SH3BP4: variants seen among roughly 807,000 people sequenced by gnomAD.
SH3BP4 encodes the protein SH3 domain-binding protein 4.
A neutral mutation model predicts 65.5 loss-of-function variants in SH3BP4; 33 were observed. That is an observed-to-expected ratio of 0.50 (90% confidence interval 0.38 to 0.67). The LOEUF is 0.67. Among genes scored for constraint, SH3BP4 ranks in the 30% least tolerant of loss-of-function variants. The probability of loss-of-function intolerance (pLI) is 0.00; values close to 1 mark genes in which losing one functional copy is unlikely to be tolerated. For synonymous variants in SH3BP4, 552 were observed against 545.5 expected, an observed-to-expected ratio of 1.01 and a Z score of -0.17; for missense variants, 1,134 against 1,261.4, an observed-to-expected ratio of 0.90 and a Z score of 1.53.
At chr2:234,968,255 G>T (rs778556038) in intron 1 of SH3BP4, among the ~76,000 whole-genome samples, 2 of 152,156 alleles carry the variant, frequency 1.3e-5, no homozygotes, top group Non-Finnish European at 2.9e-5. Context: ...CTGGGGGCTT[G>T]TGTTTCCATG....
rs563223051 is a variant in SH3BP4, at chr2:234,955,562, G to A, written c.-207+3392G>A. 1.8e-3 allele frequency among the ~76,000 whole-genome samples: 276 copies of A among 152,230 alleles called. 1 individual carries two copies. Among genetic ancestry groups the A allele is most frequent in the Admixed American group, 3.2e-3 (49 of 15,300 alleles). On this transcript the variant is annotated intron_variant, in intron 1 of 5. Transcript: ENST00000392011. Reference sequence around the variant, plus strand: ...TCTCAATAATCAGTCTTCAGAGGGCGAGGGAGTGCAGAATATGCTTTAGAA... The same window carrying A: ...TCTCAATAATCAGTCTTCAGAGGGCAAGGGAGTGCAGAATATGCTTTAGAA...
intron 2 of SH3BP4, among the ~76,000 whole-genome samples, chr2:235,002,772 T>C (rs1694172751): frequency 6.6e-6 from 1 of 152,208 alleles, no homozygotes; most frequent in Non-Finnish European, 1.5e-5. Context: ...TTGGCAGGGA[T>C]GGACCCCAGT....
intron 2 of SH3BP4, among the ~76,000 whole-genome samples, chr2:235,028,325 C>T (rs77204884): frequency 1.0e-3 from 157 of 152,312 alleles, no homozygotes; most frequent in African/African-American, 3.7e-3. Context: ...CTGGGACCTG[C>T]TGAGTAGACG....
At chr2:234,960,804 C>G (rs1692688825) in intron 1 of SH3BP4, among the ~76,000 whole-genome samples, 1 of 152,150 alleles carries the variant, frequency 6.6e-6, no homozygotes, top group Non-Finnish European at 1.5e-5. Context: ...AAATTTGAAA[C>G]AGCCTGATTT....
At chr2:234,969,691 C>T (rs942980088) in intron 1 of SH3BP4, among the ~76,000 whole-genome samples, 1 of 152,208 alleles carries the variant, frequency 6.6e-6, no homozygotes, top group Non-Finnish European at 1.5e-5. Context: ...TTATCCCGAG[C>T]CTGCTCCTGC....
rs1282859578 is a variant in SH3BP4, at chr2:235,035,181, T to C, written c.118+61T>C. ...GAACGTTGGGATTTTCAAGTTGGGA[T>C]CCAAGAACTTTTCTGCTTTAAAGAT... On this transcript the variant is annotated intron_variant, in intron 3 of 5. Transcript: ENST00000392011. The surrounding 1 kb of genome is among the most constrained non-coding windows in gnomAD (Gnocchi z 5.0). 6 of 1,272,638 alleles carry C rather than the reference T, an allele frequency of 4.7e-6. No individual in the cohort carries two copies. The highest frequency in any genetic ancestry group is 6.9e-6 in the Non-Finnish European group (6 of 872,202). 78.8% of individuals were successfully genotyped at this position (1,272,638 alleles called of 1,614,324 possible).
intron 1 of SH3BP4, among the ~76,000 whole-genome samples, chr2:234,973,936 A>G (rs911024809): frequency 6.6e-6 from 1 of 152,108 alleles, no homozygotes; most frequent in Admixed American, 6.6e-5. Context: ...CACCTGGCCA[A>G]GCCTGGATTT....
intron 1 of SH3BP4, among the ~76,000 whole-genome samples, chr2:234,983,918 C>G (rs1258350839): frequency 6.6e-6 from 1 of 152,220 alleles, no homozygotes; most frequent in African/African-American, 2.4e-5. Context: ...GATTTCCAGC[C>G]TCCAGAACTG....
intron 4 of SH3BP4, among the ~76,000 whole-genome samples, chr2:235,047,017 C>T (rs1695884212): frequency 6.6e-6 from 1 of 152,168 alleles, no homozygotes; most frequent in Non-Finnish European, 1.5e-5. Flanking sequence ...GTGATGGTGT[C>T]AGCTGAAGAA....
intron 2 of SH3BP4, among the ~76,000 whole-genome samples, chr2:235,025,926 A>G (rs1056488064): frequency 2.0e-5 from 3 of 152,180 alleles, no homozygotes; most frequent in Non-Finnish European, 4.4e-5. Flanking sequence ...TTTGGAAGAA[A>G]CAGTAGCTGT....
chr2:235,033,500 A>G lies in SH3BP4; in HGVS notation c.-132-1371A>G, dbSNP rs1056038508. Among the ~76,000 whole-genome samples, 5 of 152,206 alleles carry G rather than the reference A, an allele frequency of 3.3e-5. No individual in the cohort carries two copies. The highest frequency in any genetic ancestry group is 1.2e-4 in the African/African-American group (5 of 41,440). On this transcript the variant is annotated intron_variant, in intron 2 of 5. Coordinates refer to ENST00000392011, the MANE Select transcript of SH3BP4 (RefSeq NM_014521.3). This position sits in a 1 kb window ranked among gnomAD's most constrained non-coding sequence, Gnocchi z 5.7. ...AGTCCGTAACACATGCCTTCTCTCC[A>G]GACAGCGTTCAGGTGCAGAATGCAG...
chr2:235,043,865 C>G (rs1483094660), intron 4 of SH3BP4, among the ~76,000 whole-genome samples: 1 of 152,260 alleles, frequency 6.6e-6, no homozygotes, highest in East Asian at 1.9e-4. Context: ...ATGGGGTTTA[C>G]GGGGGATCCT....
intron 1 of SH3BP4, among the ~76,000 whole-genome samples, chr2:234,966,356 C>G (rs1410002894): frequency 1.3e-5 from 2 of 151,938 alleles, no homozygotes; most frequent in South Asian, 4.1e-4. Context: ...GCAACCAGAG[C>G]GAAACTCGGT....
chr2:235,038,364 A>ATT (rs1695501201), intron 3 of SH3BP4, among the ~76,000 whole-genome samples: 2 of 33,496 alleles, frequency 6.0e-5, no homozygotes, highest in African/African-American at 5.2e-4. Context: ...ATATATATAT[A>ATT]TAATATATAT....
chr2:234,974,630 C>T lies in SH3BP4; in HGVS notation c.-206-20673C>T, dbSNP rs1002656311. On this transcript the variant is annotated intron_variant, in intron 1 of 5. Coordinates refer to ENST00000392011, the MANE Select transcript of SH3BP4 (RefSeq NM_014521.3). This position sits in a 1 kb window ranked among gnomAD's most constrained non-coding sequence, Gnocchi z 4.6. ...GGCGCGGGCCTTCTGGTGCTCAGGG[C>T]CCCCGTTCCCTGGTCTCATTTTACA... Among the ~76,000 whole-genome samples, 1 of 152,208 alleles carries T rather than the reference C, an allele frequency of 6.6e-6. No individual in the cohort carries two copies. The highest frequency in any genetic ancestry group is 1.5e-5 in the Non-Finnish European group (1 of 68,044).
Position 235,055,506 on chromosome 2 carries a change from C to T in SH3BP4, c.*1690C>T, listed in dbSNP as rs1332280025. 6.6e-6 allele frequency: 1 copy of T among 152,626 alleles called. No individual in the cohort carries two copies. Among genetic ancestry groups the T allele is most frequent in the Non-Finnish European group, 1.5e-5 (1 of 68,040 alleles). 9.5% of individuals were successfully genotyped at this position (152,626 alleles called of 1,614,324 possible). ...CCCAGAGACCATCTATCACCTTTTC[C>T]CCAAAGAAGAAACAAAACCAGTTGC... On this transcript the variant is annotated 3_prime_UTR_variant, in exon 6 of 6. Coordinates refer to ENST00000392011, the MANE Select transcript of SH3BP4 (RefSeq NM_014521.3).
intron 2 of SH3BP4, among the ~76,000 whole-genome samples, chr2:235,012,254 C>G (rs1168252335): frequency 6.6e-6 from 1 of 152,190 alleles, no homozygotes; most frequent in Non-Finnish European, 1.5e-5. Context: ...CCTGGGGTCC[C>G]TGCTGCACAC....
chr2:235,038,272 T>A (rs1467323422), intron 3 of SH3BP4, among the ~76,000 whole-genome samples: 2 of 20,818 alleles, frequency 9.6e-5, no homozygotes, highest in Non-Finnish European at 1.3e-4. Context: ...ATATTATATA[T>A]AATATATATT....
chr2:234,998,422 G>A (rs542029810), intron 2 of SH3BP4, among the ~76,000 whole-genome samples: 37 of 152,236 alleles, frequency 2.4e-4, no homozygotes, highest in Admixed American at 5.9e-4. Flanking sequence ...CCCACTCTTC[G>A]CAGGGCGACT....
Sources: allele counts gnomAD v4.1 joint callset (sites outside exome capture counted in the v4.1 genomes callset), GRCh38; gene constraint gnomAD v4.1.1; non-coding constraint Gnocchi (gnomAD v3.1); transcripts MANE v1.5; gene names NCBI Gene and HGNC (gene_info 2026-07-23, HGNC 2026-07-21).